The following METAP1D variants were observed in gnomAD, a reference collection of about 807,000 sequenced individuals.
METAP1D encodes the protein methionyl aminopeptidase type 1D, mitochondrial.
In METAP1D, 31 loss-of-function variants were observed where a neutral mutation model predicts 40.5. That is an observed-to-expected ratio of 0.77 (90% confidence interval 0.58 to 1.03). METAP1D has a LOEUF of 1.03. Among genes scored for constraint, METAP1D ranks in the 50% least tolerant of loss-of-function variants. METAP1D has a pLI of 0.00. For missense variants in METAP1D, 411 were observed against 420.7 expected, an observed-to-expected ratio of 0.98 and a Z score of 0.20; for synonymous variants, 151 against 146.4, an observed-to-expected ratio of 1.03 and a Z score of -0.22.
rs1259111252 is a variant in METAP1D at position 172,043,108 on chromosome 2, TATATATATA to T, written c.41-18389_41-18381del. Among the ~76,000 whole-genome samples, 3 of 31,992 alleles carry T rather than the reference TATATATATA, an allele frequency of 9.4e-5. 1 individual carries two copies. In the South Asian group the frequency reaches 3.0e-3, roughly 32 times the overall value. 21.0% of individuals were successfully genotyped at this position (31,992 alleles called of 152,430 possible). A position where few individuals can be genotyped will look rare whatever the true frequency, so the allele number is the denominator to read the frequency against. ...ATATATTTACATACATATATATATA[TATATATATA>T]TTTTTTGGGATACAGGATCTCACTT... On this transcript the variant is annotated intron_variant, in intron 1 of 9. Coordinates refer to ENST00000315796, the MANE Select transcript of METAP1D (RefSeq NM_199227.3).
At chr2:172,013,859 C>T (rs577710810) in intron 1 of METAP1D, among the ~76,000 whole-genome samples, 14 of 148,596 alleles carry the variant, frequency 9.4e-5, no homozygotes, top group Admixed American at 8.8e-4. Flanking sequence ...CTTGCTCTGT[C>T]ACCCAGGCTG....
At chr2:172,078,353 G>A (rs932833297) in intron 7 of METAP1D, among the ~76,000 whole-genome samples, 5 of 152,236 alleles carry the variant, frequency 3.3e-5, no homozygotes, top group African/African-American at 4.8e-5. Flanking sequence ...GTACTCCTTC[G>A]TGATTTCTAG....
At chr2:172,058,574 C>A (rs1382909931) in intron 1 of METAP1D, among the ~76,000 whole-genome samples, 4 of 151,836 alleles carry the variant, frequency 2.6e-5, no homozygotes, top group Admixed American at 2.6e-4. Context: ...AGACAGGAGT[C>A]TTGCTTTGTT....
intron 1 of METAP1D, among the ~76,000 whole-genome samples, chr2:172,036,135 G>A (rs1490017299): frequency 1.3e-5 from 2 of 151,546 alleles, no homozygotes; most frequent in Non-Finnish European, 2.9e-5. Context: ...GGCTAACACG[G>A]TGAAACCCCG....
At chr2:172,024,008 C>T (rs932972413) in intron 1 of METAP1D, among the ~76,000 whole-genome samples, 2 of 152,020 alleles carry the variant, frequency 1.3e-5, no homozygotes, top group Admixed American at 6.6e-5. Flanking sequence ...GCGCCCGCCA[C>T]CATGCCCGGC....
At chr2:172,043,048 C>T (rs1375126876) in intron 1 of METAP1D, among the ~76,000 whole-genome samples, 1 of 116,364 alleles carries the variant, frequency 8.6e-6, no homozygotes, top group Non-Finnish European at 2.0e-5. Flanking sequence ...TACACGTGTA[C>T]ACATATATGT....
chr2:172,035,137 A>G (rs1462295073), intron 1 of METAP1D, among the ~76,000 whole-genome samples: 2 of 131,282 alleles, frequency 1.5e-5, no homozygotes, highest in Non-Finnish European at 3.5e-5. Context: ...CTATGTAACT[A>G]CTGTACTGTG....
At position 172,061,491 on chromosome 2, in the gene METAP1D, C is replaced by T. The variant is rs1690140582; in HGVS notation, c.41-7C>T. The T allele has an allele frequency of 3.1e-6, 5 of 1,606,860 alleles. No individual in the cohort carries two copies. The highest frequency in any genetic ancestry group is 1.7e-4 in the Middle Eastern group (1 of 6,012). ...TTTACTTAAAATATGTCTGTTTCTG[C>T]TCACAGGTTCTCATAGAATTTTCTC... On this transcript the variant is annotated splice_region_variant and splice_polypyrimidine_tract_variant and intron_variant, in intron 1 of 9. Transcript: ENST00000315796.
At chr2:172,017,978 T>G (rs1688916429) in intron 1 of METAP1D, among the ~76,000 whole-genome samples, 3 of 151,592 alleles carry the variant, frequency 2.0e-5, no homozygotes, top group Admixed American at 2.0e-4. Flanking sequence ...AATACAAAAA[T>G]TAGCCGAGTG....
chr2:172,007,454 T>C (rs1349397126), intron 1 of METAP1D, among the ~76,000 whole-genome samples: 1 of 152,232 alleles, frequency 6.6e-6, no homozygotes, highest in Admixed American at 6.5e-5. Flanking sequence ...ATCTGTTTGA[T>C]TCTTTCAGGC....
At chr2:172,075,365 A>G (rs191000318) in intron 6 of METAP1D, among the ~76,000 whole-genome samples, 1 of 152,192 alleles carries the variant, frequency 6.6e-6, no homozygotes, top group African/African-American at 2.4e-5. Flanking sequence ...TGAAATGTCC[A>G]GGGCAAGAAA....
chr2:172,005,136 C>G (rs1002860584), intron 1 of METAP1D, among the ~76,000 whole-genome samples: 5 of 151,896 alleles, frequency 3.3e-5, no homozygotes, highest in African/African-American at 1.2e-4. Flanking sequence ...GGCTGTGAAA[C>G]AGTTTTCTTT....
intron 1 of METAP1D, among the ~76,000 whole-genome samples, chr2:172,022,794 A>G (rs1689035250): frequency 6.6e-6 from 1 of 152,148 alleles, no homozygotes; most frequent in African/African-American, 2.4e-5. Flanking sequence ...TGCATTTTCT[A>G]TATGAATTGT....
At chr2:172,014,023 A>G (rs961734699) in intron 1 of METAP1D, among the ~76,000 whole-genome samples, 8 of 151,742 alleles carry the variant, frequency 5.3e-5, no homozygotes, top group African/African-American at 1.5e-4. Flanking sequence ...GGGTTTCACC[A>G]TATTGGCCAG....
intron 1 of METAP1D, among the ~76,000 whole-genome samples, chr2:172,045,665 A>T (rs1395760461): frequency 8.9e-4 from 27 of 30,484 alleles, no homozygotes; most frequent in Non-Finnish European, 2.4e-3. Flanking sequence ...CCGTCTCAGG[A>T]AAAAAAAAAA....
rs548001151 is a variant in METAP1D at position 172,080,590 on chromosome 2, G to A, written c.*184G>A. On this transcript the variant is annotated 3_prime_UTR_variant, in exon 10 of 10. Coordinates refer to ENST00000315796, the MANE Select transcript of METAP1D (RefSeq NM_199227.3). ...ACTGGGAACTCGGATCTGAAGCCCT[G>A]CTGGGGTCGCGCGGCTTTGGAAAAA... The A allele has an allele frequency of 6.3e-5, 41 of 647,316 alleles. No homozygotes were observed. Among genetic ancestry groups the A allele is most frequent in the Middle Eastern group, 8.5e-4 (2 of 2,362 alleles). The allele number at this position is 647,316 out of a possible 1,614,324, so 40.1% of individuals were successfully genotyped here.
chr2:172,012,068 T>G (rs574442909), intron 1 of METAP1D, among the ~76,000 whole-genome samples: 1 of 152,358 alleles, frequency 6.6e-6, no homozygotes, highest in South Asian at 2.1e-4. Flanking sequence ...TGTTTTTCCT[T>G]TGAGTCAGCA....
At chr2:172,068,192 T>C (rs1237297472) in intron 5 of METAP1D, among the ~76,000 whole-genome samples, 1 of 152,152 alleles carries the variant, frequency 6.6e-6, no homozygotes, top group Non-Finnish European at 1.5e-5. Flanking sequence ...AAGACCAGCC[T>C]GGCCAACATG....
intron 7 of METAP1D, 38 bp from the exon 8 acceptor site, chr2:172,079,177 A>T (rs1340856985): frequency 1.3e-6 from 2 of 1,592,098 alleles, no homozygotes; most frequent in Non-Finnish European, 1.7e-6. Context: ...TGTCCTCCCC[A>T]TTTCCTATTC....
Sources: gnomAD v4.1 joint callset for allele counts (sites outside exome capture counted in the v4.1 genomes callset) on GRCh38, gnomAD v4.1.1 for gene constraint, MANE v1.5 for transcripts, NCBI Gene and HGNC (gene_info 2026-07-23, HGNC 2026-07-21) for gene names.